FNDC3B: variants seen among roughly 807,000 people sequenced by gnomAD.
FNDC3B encodes fibronectin type III domain-containing protein 3B.
A neutral mutation model predicts 151.5 loss-of-function variants in FNDC3B; 12 were observed. The ratio of observed to expected loss-of-function variants is 0.08; its 90% CI spans 0.05 to 0.13. The LOEUF (loss-of-function observed/expected upper bound fraction) is 0.13, where lower values mean the gene tolerates loss of function less well. FNDC3B is among the 10% of genes least tolerant of loss of function. The pLI is 1.00. For missense variants in FNDC3B, 1,214 were observed against 1,505.3 expected, an observed-to-expected ratio of 0.81 and a Z score of 3.20; for synonymous variants, 528 against 549.0, an observed-to-expected ratio of 0.96 and a Z score of 0.54.
At chr3:172,082,727 T>G (rs1347889382) in intron 1 of FNDC3B, among the ~76,000 whole-genome samples, 2 of 152,182 alleles carry the variant, frequency 1.3e-5, no homozygotes, top group East Asian at 3.8e-4. Flanking sequence ...CCAGAGAAGT[T>G]TGACTTAATG....
intron 3 of FNDC3B, among the ~76,000 whole-genome samples, chr3:172,194,671 A>G (rs1397291947): frequency 6.6e-6 from 1 of 152,258 alleles, no homozygotes; most frequent in Non-Finnish European, 1.5e-5. Flanking sequence ...CATTGTGTTT[A>G]TAAATATCTA....
At chr3:172,090,930 C>G (rs937418943) in intron 1 of FNDC3B, among the ~76,000 whole-genome samples, 1 of 152,054 alleles carries the variant, frequency 6.6e-6, no homozygotes, top group Non-Finnish European at 1.5e-5. Context: ...GGTCCCATCC[C>G]CAAGATACCT....
chr3:172,061,333 C>A (rs745693094), intron 1 of FNDC3B, among the ~76,000 whole-genome samples: 2 of 151,628 alleles, frequency 1.3e-5, no homozygotes, highest in African/African-American at 2.4e-5. Flanking sequence ...CCCGGGTTCG[C>A]ACCATTCTCC....
chr3:172,167,538 G>A (rs1723067084), intron 3 of FNDC3B, among the ~76,000 whole-genome samples: 1 of 152,202 alleles, frequency 6.6e-6, no homozygotes, highest in Non-Finnish European at 1.5e-5. Context: ...GCTAGTTAAT[G>A]GAATCTACTG....
chr3:172,113,758 C>T (rs1341377954), intron 2 of FNDC3B, among the ~76,000 whole-genome samples: 2 of 152,202 alleles, frequency 1.3e-5, no homozygotes, highest in Non-Finnish European at 2.9e-5. Context: ...TCCACATCCC[C>T]TTCCAGTTGC....
At chr3:172,107,152 A>AAGAAT (rs1719695856) in intron 1 of FNDC3B, among the ~76,000 whole-genome samples, 1 of 152,114 alleles carries the variant, frequency 6.6e-6, no homozygotes, top group Admixed American at 6.5e-5. Context: ...TGTCAATCAA[A>AAGAAT]AGAATAGAAC....
At chr3:172,311,600 C>T (rs1278605336) in intron 11 of FNDC3B, among the ~76,000 whole-genome samples, 1 of 151,876 alleles carries the variant, frequency 6.6e-6, no homozygotes, top group Admixed American at 6.6e-5. Context: ...GGCGCGATGA[C>T]TCACGCCTGT....
At chr3:172,192,803 C>T (rs1485483930) in intron 3 of FNDC3B, among the ~76,000 whole-genome samples, 3 of 152,044 alleles carry the variant, frequency 2.0e-5, no homozygotes, top group Non-Finnish European at 4.4e-5. Context: ...CTCCAGTGGA[C>T]TGACTTTAGT....
intron 23 of FNDC3B, among the ~76,000 whole-genome samples, chr3:172,374,168 A>G (rs1282444709): frequency 6.6e-6 from 1 of 152,194 alleles, no homozygotes; most frequent in Non-Finnish European, 1.5e-5. Flanking sequence ...CCCACAGCTC[A>G]TGTCTGAGGC....
At chr3:172,292,637 G>A (rs1016123779) in intron 7 of FNDC3B, among the ~76,000 whole-genome samples, 1 of 152,200 alleles carries the variant, frequency 6.6e-6, no homozygotes, top group African/African-American at 2.4e-5. Flanking sequence ...CAGTGTTACT[G>A]TCTTCTGTGT....
At chr3:172,048,679 A>C (rs1476767711) in intron 1 of FNDC3B, among the ~76,000 whole-genome samples, 1 of 152,200 alleles carries the variant, frequency 6.6e-6, no homozygotes, top group African/African-American at 2.4e-5. Flanking sequence ...CAATACCTAA[A>C]AGGTAGAAAC....
At chr3:172,091,799 G>T (rs895095035) in intron 1 of FNDC3B, among the ~76,000 whole-genome samples, 6 of 151,810 alleles carry the variant, frequency 4.0e-5, no homozygotes, top group Middle Eastern at 3.4e-3. Context: ...CTTGACAAGA[G>T]TAGTCACTAA....
At chr3:172,236,017 A>G (rs1727145173) in intron 4 of FNDC3B, among the ~76,000 whole-genome samples, 1 of 152,248 alleles carries the variant, frequency 6.6e-6, no homozygotes, top group Non-Finnish European at 1.5e-5. Context: ...AAGCAGCTCA[A>G]CTGGGCACAA....
At chr3:172,109,669 C>T (rs1444658667) in intron 1 of FNDC3B, among the ~76,000 whole-genome samples, 1 of 152,182 alleles carries the variant, frequency 6.6e-6, no homozygotes, top group Admixed American at 6.5e-5. Flanking sequence ...CTTGATCTTT[C>T]TCAGGAGTGT....
chr3:172,157,286 AT>A (rs58990924), intron 3 of FNDC3B, among the ~76,000 whole-genome samples: 8 of 150,584 alleles, frequency 5.3e-5, no homozygotes, highest in South Asian at 2.1e-4. Context: ...AGCTCCTGGT[AT>A]TTTTTTTTTC....
intron 23 of FNDC3B, among the ~76,000 whole-genome samples, chr3:172,366,551 T>G (rs549770672): frequency 6.6e-6 from 1 of 152,182 alleles, no homozygotes. Context: ...ATATGTCAAA[T>G]AGAGGCACTG....
intron 2 of FNDC3B, among the ~76,000 whole-genome samples, chr3:172,120,000 A>C (rs1720455565): frequency 6.6e-6 from 1 of 152,170 alleles, no homozygotes; most frequent in Admixed American, 6.5e-5. Flanking sequence ...AGTTTTGCCA[A>C]TTTTGCTCAC....
At chr3:172,168,835 C>G (rs886174287) in intron 3 of FNDC3B, among the ~76,000 whole-genome samples, 1 of 151,006 alleles carries the variant, frequency 6.6e-6, no homozygotes, top group African/African-American at 2.4e-5. Context: ...GTCTCAGCCT[C>G]CCGAGTAGCT....
At chr3:172,084,340 A>G (rs913246292) in intron 1 of FNDC3B, among the ~76,000 whole-genome samples, 3 of 152,092 alleles carry the variant, frequency 2.0e-5, no homozygotes, top group Non-Finnish European at 2.9e-5. Context: ...AGGCCCAGCT[A>G]TTCGGGAGGC....
Sources: gnomAD v4.1 joint callset for allele counts (sites outside exome capture counted in the v4.1 genomes callset) on GRCh38, gnomAD v4.1.1 for gene constraint, MANE v1.5 for transcripts, NCBI Gene and HGNC (gene_info 2026-07-23, HGNC 2026-07-21) for gene names.